PPTC7: variants seen among roughly 807,000 people sequenced by gnomAD.
The protein encoded by PPTC7 is protein phosphatase PTC7 homolog.
PPTC7 carries 6 observed loss-of-function variants against 30.8 expected under a neutral mutation model. That is an observed-to-expected ratio of 0.19 (90% confidence interval 0.11 to 0.38). The LOEUF is 0.38. Ranked by LOEUF, PPTC7 falls within the 10% of genes least tolerant of loss-of-function variation. The pLI, the probability that PPTC7 is intolerant of heterozygous loss-of-function variation, is 1.00. For missense variants in PPTC7, 218 were observed against 404.8 expected, an observed-to-expected ratio of 0.54 and a Z score of 3.96; for synonymous variants, 163 against 168.1, an observed-to-expected ratio of 0.97 and a Z score of 0.23.
intron 1 of PPTC7, among the ~76,000 whole-genome samples, chr12:110,577,149 AG>A (rs1452947090): frequency 7.9e-6 from 1 of 127,146 alleles, no homozygotes. Flanking sequence ...CCTGGGCACA[AG>A]GGCGAGACTC....
intron 1 of PPTC7, among the ~76,000 whole-genome samples, chr12:110,573,037 G>A (rs536382521): frequency 5.9e-5 from 9 of 152,054 alleles, no homozygotes; most frequent in South Asian, 4.2e-4. Context: ...CCGACACTAC[G>A]CCCAGCTAAT....
rs888870818 is a variant in PPTC7, at chr12:110,583,230, G to A, written c.-199C>T. ...CCGCGCGCACCGGAGCCAGAGCGAG[G>A]TCAGAAGCGGCGGCTCCTCCGCCTC... On this transcript the variant is annotated 5_prime_UTR_variant, in exon 1 of 6. Coordinates refer to ENST00000354300, the MANE Select transcript of PPTC7 (RefSeq NM_139283.2). 15 of 189,902 alleles carry A rather than the reference G, an allele frequency of 7.9e-5. No individual in the cohort carries two copies. The highest frequency in any genetic ancestry group is 1.4e-4 in the Non-Finnish European group (14 of 96,874). The allele number at this position is 189,902 out of a possible 1,614,324, so 11.8% of individuals were successfully genotyped here.
chr12:110,563,337 C>A (rs1233084431), intron 1 of PPTC7, among the ~76,000 whole-genome samples: 1 of 151,972 alleles, frequency 6.6e-6, no homozygotes, highest in African/African-American at 2.4e-5. Flanking sequence ...GTGAAAATGG[C>A]CGCATGAGGT....
intron 1 of PPTC7, among the ~76,000 whole-genome samples, chr12:110,560,511 A>G (rs1385929151): frequency 6.6e-6 from 1 of 152,172 alleles, no homozygotes; most frequent in Non-Finnish European, 1.5e-5. Flanking sequence ...AAGGCTTACT[A>G]TAAGAAAGAC....
intron 1 of PPTC7, among the ~76,000 whole-genome samples, chr12:110,578,923 A>G (rs1357289198): frequency 6.6e-6 from 1 of 152,200 alleles, no homozygotes; most frequent in Non-Finnish European, 1.5e-5. Flanking sequence ...AGGCAGGTGG[A>G]TGACATGAGG....
At chr12:110,566,592 TAG>T (rs2064485187) in intron 1 of PPTC7, among the ~76,000 whole-genome samples, 2 of 152,088 alleles carry the variant, frequency 1.3e-5, no homozygotes, top group Non-Finnish European at 1.5e-5. Context: ...TTCAGCAAGT[TAG>T]AGTTATGCCT....
intron 5 of PPTC7, among the ~76,000 whole-genome samples, chr12:110,537,737 T>G (rs2064229869): frequency 6.6e-6 from 1 of 152,152 alleles, no homozygotes; most frequent in Non-Finnish European, 1.5e-5. Context: ...CTGTGGCAAT[T>G]TGTCAGGCAA....
chr12:110,582,154 T>C (rs895841857), intron 1 of PPTC7, among the ~76,000 whole-genome samples: 23 of 152,226 alleles, frequency 1.5e-4, no homozygotes, highest in Non-Finnish European at 3.2e-4. Flanking sequence ...GGCTCGACCA[T>C]TCTATTTTGG....
chr12:110,579,086 T>C (rs2064614549), intron 1 of PPTC7, among the ~76,000 whole-genome samples: 1 of 151,870 alleles, frequency 6.6e-6, no homozygotes, highest in Non-Finnish European at 1.5e-5. Context: ...GAGGCAGAGG[T>C]TGCAGCGAGC....
chr12:110,541,740 TAGCTAC>T (rs2064261800), intron 3 of PPTC7, among the ~76,000 whole-genome samples: 1 of 145,572 alleles, frequency 6.9e-6, no homozygotes, highest in East Asian at 2.0e-4. Context: ...TCACCGGAAA[TAGCTAC>T]AGTATTTTGG....
At chr12:110,542,319 G>C (rs1565916899) in intron 3 of PPTC7, among the ~76,000 whole-genome samples, 1 of 151,276 alleles carries the variant, frequency 6.6e-6, no homozygotes, top group Non-Finnish European at 1.5e-5. Context: ...AAGGCAGAAA[G>C]ACACACAGAC....
intron 1 of PPTC7, among the ~76,000 whole-genome samples, chr12:110,571,476 G>C (rs1403701118): frequency 1.3e-5 from 2 of 152,084 alleles, no homozygotes; most frequent in Non-Finnish European, 2.9e-5. Flanking sequence ...GCCCCTGGAA[G>C]CTGTTTAATA....
chr12:110,564,308 G>C (rs1215189152), intron 1 of PPTC7, among the ~76,000 whole-genome samples: 2 of 152,218 alleles, frequency 1.3e-5, no homozygotes, highest in Non-Finnish European at 2.9e-5. Flanking sequence ...CTCTATTAAA[G>C]CTGTGGCTTC....
Position 110,546,085 on chromosome 12 carries a change from AC to A in PPTC7, c.404-8del, listed in dbSNP as rs779044524. ...ATGCAGGCGGTGCTGCTACCTAGAA[AC>A]AAAAATCATCTCCATTTATTTTTTC... On this transcript the variant is annotated splice_region_variant and splice_polypyrimidine_tract_variant and intron_variant, in intron 2 of 5. Coordinates refer to ENST00000354300, the MANE Select transcript of PPTC7 (RefSeq NM_139283.2). 4 of 1,612,022 alleles carry A rather than the reference AC, an allele frequency of 2.5e-6. No individual in the cohort carries two copies. Among genetic ancestry groups the A allele is most frequent in the Non-Finnish European group, 3.4e-6 (4 of 1,178,712 alleles).
intron 3 of PPTC7, among the ~76,000 whole-genome samples, chr12:110,544,013 G>A (rs924188395): frequency 3.3e-5 from 5 of 152,186 alleles, no homozygotes; most frequent in Non-Finnish European, 7.3e-5. Context: ...TGGGCTCTAC[G>A]GAGGCCTTGG....
chr12:110,558,857 C>T (rs566419648), intron 1 of PPTC7, among the ~76,000 whole-genome samples: 17 of 152,180 alleles, frequency 1.1e-4, no homozygotes, highest in South Asian at 2.1e-4. Flanking sequence ...CCGCCCGCCT[C>T]GGCCTCCCAA....
intron 1 of PPTC7, among the ~76,000 whole-genome samples, chr12:110,569,544 C>T (rs1227457963): frequency 1.3e-5 from 2 of 152,090 alleles, no homozygotes; most frequent in Admixed American, 1.3e-4. Flanking sequence ...TCTCTAGAGT[C>T]CCTTTCTCGG....
intron 1 of PPTC7, among the ~76,000 whole-genome samples, chr12:110,566,711 C>G (rs757091219): frequency 6.6e-6 from 1 of 152,120 alleles, no homozygotes; most frequent in Non-Finnish European, 1.5e-5. Context: ...TCTACAAACA[C>G]TAGTCTGTGG....
At chr12:110,537,393 C>T (rs769601089) in intron 5 of PPTC7, among the ~76,000 whole-genome samples, 12 of 152,130 alleles carry the variant, frequency 7.9e-5, no homozygotes, top group East Asian at 1.9e-4. Flanking sequence ...GTGAATCTGA[C>T]GAGAAAGTTA....
Sources: gnomAD v4.1 joint callset for allele counts (sites outside exome capture counted in the v4.1 genomes callset) on GRCh38, gnomAD v4.1.1 for gene constraint, MANE v1.5 for transcripts, NCBI Gene and HGNC (gene_info 2026-07-23, HGNC 2026-07-21) for gene names.